The following LYG2 variants were observed in gnomAD, a reference collection of about 807,000 sequenced individuals.
LYG2 encodes lysozyme g-like protein 2.
Under a neutral mutation model 22.4 loss-of-function variants are expected in LYG2, and 25 were observed. The observed-to-expected ratio is 1.12, with a 90% CI of 0.81 to 1.56. The LOEUF (loss-of-function observed/expected upper bound fraction) is 1.56, where lower values mean the gene tolerates loss of function less well. Among genes scored for constraint, LYG2 ranks in the 40% most tolerant of loss-of-function variants. The pLI is 0.00. For missense variants in LYG2, 266 were observed against 269.5 expected, an observed-to-expected ratio of 0.99 and a Z score of 0.09; for synonymous variants, 88 against 97.0, an observed-to-expected ratio of 0.91 and a Z score of 0.55.
In LYG2 at chr2:99,248,532, A is replaced by G. The variant is rs1402892819; in HGVS notation, c.44-1712T>C. ...CTCACTCATAGGTGGGAATTGAACA[A>G]TGAGAACACATGGACACAGGAAGGG... On this transcript the variant is annotated intron_variant, in intron 3 of 6. Transcript: ENST00000333017. Among the ~76,000 whole-genome samples the G allele has an allele frequency of 2.0e-5, 3 of 147,136 alleles. No homozygotes were observed. In the South Asian group the frequency reaches 6.7e-4, roughly 33 times the overall value.
At chr2:99,254,132 A>T in intron 3 of LYG2, 86 bp downstream of exon 3, 1 of 1,178,324 alleles carries the variant, frequency 8.5e-7, no homozygotes, top group Non-Finnish European at 1.3e-6. Flanking sequence ...CATTACAGGT[A>T]ATCATTGCTC....
At position 99,244,007 on chromosome 2, in the gene LYG2, T is replaced by A; in HGVS notation, c.512A>T (p.His171Leu). 1 of 1,614,066 alleles carries A rather than the reference T, an allele frequency of 6.2e-7. No individual in the cohort carries two copies. Among genetic ancestry groups the A allele is most frequent in the Non-Finnish European group, 8.5e-7 (1 of 1,180,000 alleles). The change falls in exon 6 of 7, where the codon CAC becomes CTC. Residue 171 changes from histidine to leucine, a missense_variant. Physicochemically the swap from His to Leu is moderately conservative, Grantham distance 99 (BLOSUM62 -3). Transcript: ENST00000333017. ...KKFPTWSVAQ[H>L]LKGGLSAFKS... ...CTCAGAATACAGCCTACCTTTGAGG[T>A]GCTGAGCAACACTCCACGTGGGGAA...
intron 3 of LYG2, among the ~76,000 whole-genome samples, chr2:99,252,703 G>A (rs1219645048): frequency 1.3e-5 from 2 of 152,120 alleles, no homozygotes; most frequent in Admixed American, 6.5e-5. Context: ...GGCTCACTGT[G>A]TGGCCCACAG....
chr2:99,255,756 G>A (rs1404976156), upstream of LYG2, among the ~76,000 whole-genome samples: 1 of 152,184 alleles, frequency 6.6e-6, no homozygotes, highest in Non-Finnish European at 1.5e-5. Flanking sequence ...AAAGGTGCAA[G>A]TGTGGCCACC....
At chr2:99,260,359 T>C (rs1023156614), upstream of LYG2, among the ~76,000 whole-genome samples, 1 of 152,226 alleles carries the variant, frequency 6.6e-6, no homozygotes, top group African/African-American at 2.4e-5. Flanking sequence ...GTTTTTAGTA[T>C]GTTGATAAGA....
chr2:99,255,784 G>A (rs1387639015), upstream of LYG2, among the ~76,000 whole-genome samples: 3 of 152,164 alleles, frequency 2.0e-5, no homozygotes, highest in East Asian at 5.8e-4. Context: ...GGAGATCAAT[G>A]CAAAACCAGG....
chr2:99,254,142 CT>C (rs1178730326), intron 3 of LYG2, 75 bp downstream of exon 3: 1 of 1,323,546 alleles, frequency 7.6e-7, no homozygotes, highest in Non-Finnish European at 1.1e-6. Flanking sequence ...AATCATTGCT[CT>C]TTCTGATTCA....
chr2:99,249,709 C>T (rs12328219), intron 3 of LYG2, among the ~76,000 whole-genome samples: 5,067 of 143,278 alleles, frequency 0.035, 199 homozygotes, highest in South Asian at 0.16. Flanking sequence ...TGCAGTGAGC[C>T]GAGATCGCGC....
intron 5 of LYG2, among the ~76,000 whole-genome samples, chr2:99,244,939 C>T (rs763375957): frequency 4.6e-5 from 7 of 151,726 alleles, no homozygotes; most frequent in Non-Finnish European, 8.8e-5. Flanking sequence ...GGTGAAATCC[C>T]GTCTCTACTA....
chr2:99,245,111 CA>C (rs5832869), intron 5 of LYG2, 150 bp downstream of exon 5: 125,170 of 601,294 alleles, frequency 0.21, 28 homozygotes, highest in East Asian at 0.26. Context: ...AACTCCATCT[CA>C]AAAAAAAAAA....
intron 4 of LYG2, among the ~76,000 whole-genome samples, chr2:99,246,206 T>C (rs2094015852): frequency 6.6e-6 from 1 of 152,326 alleles, no homozygotes; most frequent in South Asian, 2.1e-4. Flanking sequence ...ACTAGTTGGT[T>C]CTGTTCTATT....
At chr2:99,243,693 C>CTTTTTTT (rs999579137) in intron 6 of LYG2, 93 of 157,120 alleles carry the variant, frequency 5.9e-4, no homozygotes, top group South Asian at 8.4e-4. Context: ...CCATGCCCAG[C>CTTTTTTT]TTTTTTTTTT....
At position 99,244,027 on chromosome 2, in the gene LYG2, G is replaced by C; in HGVS notation, c.492C>G (p.Pro164=). 6.2e-7 allele frequency: 1 copy of C among 1,614,064 alleles called. No homozygotes were observed. Among genetic ancestry groups the C allele is most frequent in the Non-Finnish European group, 8.5e-7 (1 of 1,179,984 alleles). The change falls in exon 6 of 7, where the codon CCC becomes CCG. Residue 164 remains proline, a synonymous_variant. Transcript: ENST00000333017. The stretch of plus-strand genomic sequence containing the variant: ...TGAGGTGCTGAGCAACACTCCACGT[G>C]GGGAATTTTTTCTGGATTGCCTTAA... The part of the protein sequence containing the change: ...ERIKAIQKKF[P]TWSVAQHLKG...
At chr2:99,244,573 T>G (rs557762942) in intron 5 of LYG2, among the ~76,000 whole-genome samples, 1 of 152,306 alleles carries the variant, frequency 6.6e-6, no homozygotes, top group African/African-American at 2.4e-5. Context: ...AACAAGTTGT[T>G]TCAAGTAGGG....
intron 3 of LYG2, among the ~76,000 whole-genome samples, chr2:99,248,490 A>C (rs1291260811): frequency 6.6e-6 from 1 of 151,520 alleles, no homozygotes; most frequent in Admixed American, 6.6e-5. Context: ...AGGACAAAAA[A>C]CCAAACACCA....
In LYG2 at chr2:99,246,880, C is replaced by T. The variant is rs2094016996; in HGVS notation, c.44-60G>A. 3 of 1,527,886 alleles carry T rather than the reference C, an allele frequency of 2.0e-6. No individual in the cohort carries two copies. In the Admixed American group the frequency reaches 5.8e-5, roughly 30 times the overall value. 94.6% of individuals were successfully genotyped at this position (1,527,886 alleles called of 1,614,324 possible). ...TGAGAAGATATTACTTGGGTTGCTG[C>T]AATAAACATCACTAAACCAAAGGCA... On this transcript the variant is annotated intron_variant, in intron 3 of 6. Transcript: ENST00000333017.
At chr2:99,249,115 T>C (rs1485419872) in intron 3 of LYG2, among the ~76,000 whole-genome samples, 1 of 152,178 alleles carries the variant, frequency 6.6e-6, no homozygotes, top group Non-Finnish European at 1.5e-5. Flanking sequence ...AGAGTCCAAA[T>C]ATTTGTTATA....
intron 3 of LYG2, among the ~76,000 whole-genome samples, chr2:99,250,414 G>C (rs10198056): frequency 7.2e-6 from 1 of 138,322 alleles, no homozygotes; most frequent in Non-Finnish European, 1.5e-5. Context: ...TTGCTCTGTC[G>C]CCCAGGCTGC....
At chr2:99,258,162 C>T (rs2094039913), upstream of LYG2, among the ~76,000 whole-genome samples, 2 of 152,186 alleles carry the variant, frequency 1.3e-5, no homozygotes, top group African/African-American at 4.8e-5. Flanking sequence ...CACAGCTTTC[C>T]CTTCTCAGGA....
Sources: allele counts gnomAD v4.1 joint callset (sites outside exome capture counted in the v4.1 genomes callset), GRCh38; gene constraint gnomAD v4.1.1; transcripts MANE v1.5; gene names NCBI Gene and HGNC (gene_info 2026-07-23, HGNC 2026-07-21).